The following CMSS1 variants were observed in gnomAD, a reference collection of about 807,000 sequenced individuals.
The protein encoded by CMSS1 is cms1 ribosomal small subunit homolog.
A neutral mutation model predicts 43.5 loss-of-function variants in CMSS1; 33 were observed. That is an observed-to-expected ratio of 0.76 (90% CI 0.57 to 1.01). The LOEUF (loss-of-function observed/expected upper bound fraction) is 1.01, where lower values mean the gene tolerates loss of function less well. CMSS1 is among the 50% of genes least tolerant of loss of function. The pLI, the probability that CMSS1 is intolerant of heterozygous loss-of-function variation, is 0.00. For missense variants in CMSS1, 313 were observed against 326.4 expected (o/e 0.96, Z 0.32); for synonymous variants, 115 against 117.2 (o/e 0.98, Z 0.12).
intron 1 of CMSS1, among the ~76,000 whole-genome samples, chr3:99,949,663 T>C (rs1388594100): frequency 6.6e-6 from 1 of 152,244 alleles, no homozygotes; most frequent in Non-Finnish European, 1.5e-5. Context: ...TATGTTATAA[T>C]TTCCTAATCA....
chr3:100,059,239 A>G (rs1304970564), intron 1 of CMSS1, among the ~76,000 whole-genome samples: 1 of 152,240 alleles, frequency 6.6e-6, no homozygotes, highest in Non-Finnish European at 1.5e-5. Context: ...TATCCTTTAA[A>G]AAATACAATG....
intron 1 of CMSS1, among the ~76,000 whole-genome samples, chr3:99,995,499 C>G (rs1055608767): frequency 6.6e-6 from 1 of 152,188 alleles, no homozygotes; most frequent in Non-Finnish European, 1.5e-5. Flanking sequence ...ATTCTGGGGT[C>G]TGGAGGATGG....
At chr3:100,142,509 G>T (rs1269394565) in intron 1 of CMSS1, among the ~76,000 whole-genome samples, 1 of 152,104 alleles carries the variant, frequency 6.6e-6, no homozygotes, top group Non-Finnish European at 1.5e-5. Context: ...AGCATCTGTG[G>T]ATTTTGGTAG....
chr3:100,098,005 T>C (rs1324732989), intron 1 of CMSS1, among the ~76,000 whole-genome samples: 4 of 152,232 alleles, frequency 2.6e-5, no homozygotes, highest in Non-Finnish European at 4.4e-5. Context: ...TAGCTAGGCA[T>C]AGTAATGGTA....
At chr3:100,138,892 C>T (rs184798409) in intron 1 of CMSS1, among the ~76,000 whole-genome samples, 6 of 152,214 alleles carry the variant, frequency 3.9e-5, no homozygotes, top group East Asian at 1.9e-4. Flanking sequence ...CACATGCACG[C>T]GTATGTTTAT....
intron 1 of CMSS1, among the ~76,000 whole-genome samples, chr3:99,944,492 G>T (rs186900049): frequency 6.6e-6 from 1 of 152,300 alleles, no homozygotes; most frequent in East Asian, 1.9e-4. Flanking sequence ...TTTACTGTCT[G>T]CAGGCACAAT....
intron 1 of CMSS1, among the ~76,000 whole-genome samples, chr3:100,036,549 A>C (rs2065111293): frequency 6.6e-6 from 1 of 152,252 alleles, no homozygotes; most frequent in South Asian, 2.1e-4. Context: ...GTAAGAAAGA[A>C]AAGTTATTCT....
intron 1 of CMSS1, among the ~76,000 whole-genome samples, chr3:100,009,169 T>C (rs1559723666): frequency 6.6e-6 from 1 of 152,218 alleles, no homozygotes; most frequent in Non-Finnish European, 1.5e-5. Flanking sequence ...TACTGAGGCC[T>C]GTTTCAATTT....
intron 1 of CMSS1, among the ~76,000 whole-genome samples, chr3:99,937,644 G>A (rs1559695907): frequency 6.6e-6 from 1 of 152,206 alleles, no homozygotes; most frequent in Non-Finnish European, 1.5e-5. Flanking sequence ...TTGTTAATGT[G>A]TGTATCCCCA....
intron 1 of CMSS1, among the ~76,000 whole-genome samples, chr3:100,095,256 A>G (rs2066184576): frequency 6.6e-6 from 1 of 152,144 alleles, no homozygotes; most frequent in African/African-American, 2.4e-5. Context: ...CATCTTGCCT[A>G]TATCTACAAA....
chr3:99,825,321 G>T (rs1942516556), intron 1 of CMSS1, among the ~76,000 whole-genome samples: 1 of 152,164 alleles, frequency 6.6e-6, no homozygotes, highest in Non-Finnish European at 1.5e-5. Context: ...ATGTGGTTCA[G>T]TCAAAATGCA....
chr3:99,848,509 G>C (rs758820845), intron 1 of CMSS1: 1 of 1,614,182 alleles, frequency 6.2e-7, no homozygotes, highest in Non-Finnish European at 8.5e-7. Flanking sequence ...ATCCTCAGTA[G>C]TTATCACACT....
chr3:100,157,200 G>A, intron 2 of CMSS1, among the ~76,000 whole-genome samples: 1 of 151,578 alleles, frequency 6.6e-6, no homozygotes, highest in Non-Finnish European at 1.5e-5. Flanking sequence ...TTATCTTCAA[G>A]CCTTCCTCGT....
At chr3:100,022,956 G>C (rs2064852563) in intron 1 of CMSS1, among the ~76,000 whole-genome samples, 2 of 152,130 alleles carry the variant, frequency 1.3e-5, no homozygotes, top group African/African-American at 4.8e-5. Flanking sequence ...CCATTGCAAA[G>C]GCCATGCAAT....
At chr3:100,026,380 G>A (rs527344660) in intron 1 of CMSS1, among the ~76,000 whole-genome samples, 202 of 152,076 alleles carry the variant, frequency 1.3e-3, no homozygotes, top group Non-Finnish European at 2.5e-3. Flanking sequence ...CAGAAGGCCA[G>A]ACATAAAACA....
At chr3:100,152,280 C>A (rs1419782007) in intron 2 of CMSS1, among the ~76,000 whole-genome samples, 1 of 151,314 alleles carries the variant, frequency 6.6e-6, no homozygotes, top group Non-Finnish European at 1.5e-5. Flanking sequence ...TGACAGAATT[C>A]TCCGTGTCCA....
intron 1 of CMSS1, among the ~76,000 whole-genome samples, chr3:99,903,236 G>T (rs1706494869): frequency 6.6e-6 from 1 of 151,548 alleles, no homozygotes. Flanking sequence ...ATACATGTGT[G>T]TATATGTATA....
At chr3:99,881,506 G>T (rs1705726150) in intron 1 of CMSS1, among the ~76,000 whole-genome samples, 1 of 151,386 alleles carries the variant, frequency 6.6e-6, no homozygotes, top group South Asian at 2.1e-4. Context: ...AAGGGACCTT[G>T]TCATATAATT....
At chr3:99,834,203 T>C (rs1314022314) in intron 1 of CMSS1, among the ~76,000 whole-genome samples, 1 of 152,236 alleles carries the variant, frequency 6.6e-6, no homozygotes, top group African/African-American at 2.4e-5. Context: ...AGTTTTACGC[T>C]TTATACAGGA....
Sources: allele counts gnomAD v4.1 joint callset (sites outside exome capture counted in the v4.1 genomes callset), GRCh38; gene constraint gnomAD v4.1.1; transcripts MANE v1.5; gene names NCBI Gene and HGNC (gene_info 2026-07-23, HGNC 2026-07-21).